Variants in PRIM2 observed in about 807,000 individuals in gnomAD.
The protein encoded by PRIM2 is DNA primase subunit 2.
PRIM2 carries 39 observed loss-of-function variants against 67.3 expected under a neutral mutation model. That is an observed-to-expected ratio of 0.58 (90% confidence interval 0.45 to 0.76). PRIM2 has a LOEUF of 0.76. PRIM2 is among the 30% of genes least tolerant of loss of function. PRIM2 has a pLI of 0.00. For missense variants in PRIM2, 398 were observed against 598.7 expected, an observed-to-expected ratio of 0.66 and a Z score of 3.50; for synonymous variants, 143 against 198.7, an observed-to-expected ratio of 0.72 and a Z score of 2.36.
intron 8 of PRIM2, among the ~76,000 whole-genome samples, chr6:57,516,196 C>A (rs1774484357): frequency 1.3e-5 from 2 of 152,182 alleles, no homozygotes; most frequent in Non-Finnish European, 2.9e-5. Flanking sequence ...CCAGGATAAT[C>A]TTTTCATCTA....
chr6:57,443,356 C>T (rs910670799), intron 7 of PRIM2, among the ~76,000 whole-genome samples: 4 of 152,186 alleles, frequency 2.6e-5, no homozygotes, highest in African/African-American at 9.6e-5. Context: ...TATTAGTTTA[C>T]ATTCCTGCCA....
chr6:57,353,098 A>G (rs1768907777), intron 5 of PRIM2, among the ~76,000 whole-genome samples: 2 of 149,420 alleles, frequency 1.3e-5, no homozygotes, highest in Non-Finnish European at 3.0e-5. Flanking sequence ...TTTAAATTAG[A>G]CTGTCAATTC....
At chr6:57,465,730 T>C (rs1475540989) in intron 7 of PRIM2, among the ~76,000 whole-genome samples, 1 of 152,160 alleles carries the variant, frequency 6.6e-6, no homozygotes, top group Non-Finnish European at 1.5e-5. Flanking sequence ...TTAGGTGACT[T>C]ATTTAAAGTA....
chr6:57,320,454 T>C lies in PRIM2; in HGVS notation c.155-3T>C. 6.3e-7 allele frequency: 1 copy of C among 1,578,708 alleles called. No individual in the cohort carries two copies. The highest frequency in any genetic ancestry group is 1.2e-5 in the South Asian group (1 of 85,204). On this transcript the variant is annotated splice_region_variant and splice_polypyrimidine_tract_variant and intron_variant, in intron 2 of 13. Coordinates refer to ENST00000615550, the MANE Select transcript of PRIM2 (RefSeq NM_000947.5). Reference sequence around the variant, plus strand: ...GCATTTATACCTTTTTTCTTTTTTTTAGTGTTAAAATCAGTTGAAAATCTT... The same window carrying C: ...GCATTTATACCTTTTTTCTTTTTTTCAGTGTTAAAATCAGTTGAAAATCTT...
At chr6:57,502,567 C>T (rs1774157457) in intron 7 of PRIM2, among the ~76,000 whole-genome samples, 1 of 152,188 alleles carries the variant, frequency 6.6e-6, no homozygotes, top group Non-Finnish European at 1.5e-5. Flanking sequence ...CTTCTCCTCT[C>T]ATAAATATTC....
intron 7 of PRIM2, among the ~76,000 whole-genome samples, chr6:57,481,804 T>C (rs1209757452): frequency 6.6e-6 from 1 of 152,222 alleles, no homozygotes; most frequent in African/African-American, 2.4e-5. Context: ...AGGTGTCTAG[T>C]AGTATCTCAT....
intron 5 of PRIM2, among the ~76,000 whole-genome samples, chr6:57,379,420 G>A (rs1465247483): frequency 6.6e-6 from 1 of 150,836 alleles, no homozygotes. Flanking sequence ...ATCAGTCTGA[G>A]ATAATAAATT....
chr6:57,482,075 T>C (rs1773642090), intron 7 of PRIM2, among the ~76,000 whole-genome samples: 2 of 151,758 alleles, frequency 1.3e-5, no homozygotes, highest in African/African-American at 4.8e-5. Flanking sequence ...GGAAGGATTA[T>C]GGAAAGAAAA....
At chr6:57,252,215 T>C in the PRIM2 span, among the ~76,000 whole-genome samples, 2 of 152,234 alleles carry the variant, frequency 1.3e-5, no homozygotes, top group African/African-American at 4.8e-5. Context: ...GTGATAAGCA[T>C]TGTCCTTAAT....
Position 57,583,437 on chromosome 6 carries a change from G to C in PRIM2, c.1021-17656G>C, listed in dbSNP as rs1190556542. On this transcript the variant is annotated intron_variant, in intron 10 of 13. Coordinates refer to ENST00000615550, the MANE Select transcript of PRIM2 (RefSeq NM_000947.5). ...AGTGAGAATATGCGGTTTGTTTTTTGTTCTTGCGATAGTTTACTGAGAATG... is the reference window on the plus strand; with the variant it reads ...AGTGAGAATATGCGGTTTGTTTTTTCTTCTTGCGATAGTTTACTGAGAATG... Among the ~76,000 whole-genome samples the C allele has an allele frequency of 4.1e-5, 6 of 148,028 alleles. No individual in the cohort carries two copies. In the East Asian group the frequency reaches 1.0e-3, roughly 25 times the overall value.
intron 7 of PRIM2, among the ~76,000 whole-genome samples, chr6:57,463,130 G>A (rs563673077): frequency 8.5e-5 from 13 of 152,150 alleles, no homozygotes; most frequent in Admixed American, 7.9e-4. Flanking sequence ...GCACTGGCTC[G>A]GAAATCTAGA....
chr6:57,434,237 TA>T (rs11299782), intron 7 of PRIM2, among the ~76,000 whole-genome samples: 96,345 of 151,634 alleles, frequency 0.64, 30,849 homozygotes, highest in South Asian at 0.74. Context: ...CCTGAGTTTT[TA>T]AATATGTAAA....
chr6:57,313,214 T>C (rs1767420817), upstream of PRIM2, among the ~76,000 whole-genome samples: 1 of 152,238 alleles, frequency 6.6e-6, no homozygotes, highest in Non-Finnish European at 1.5e-5. Flanking sequence ...CCTGGCTATC[T>C]TTTCTAAAAT....
chr6:57,540,857 A>G (rs1346142683), intron 10 of PRIM2, among the ~76,000 whole-genome samples: 2 of 152,380 alleles, frequency 1.3e-5, no homozygotes, highest in East Asian at 3.9e-4. Context: ...TGGTGAGCCT[A>G]TAAGTGTTGC....
intron 5 of PRIM2, among the ~76,000 whole-genome samples, chr6:57,328,792 G>A (rs1464622344): frequency 6.6e-6 from 1 of 152,140 alleles, no homozygotes; most frequent in East Asian, 1.9e-4. Flanking sequence ...CAGTGGATGA[G>A]GGTTCCACTT....
intron 7 of PRIM2, among the ~76,000 whole-genome samples, chr6:57,502,493 A>G (rs1160202279): frequency 6.6e-6 from 1 of 152,164 alleles, no homozygotes; most frequent in Non-Finnish European, 1.5e-5. Context: ...GGATCATGCT[A>G]ATGCCGCGAT....
At chr6:57,386,439 AG>A (rs1401987849) in intron 7 of PRIM2, among the ~76,000 whole-genome samples, 19 of 148,488 alleles carry the variant, frequency 1.3e-4, no homozygotes, top group Non-Finnish European at 2.5e-4. Context: ...AAAAAAAAAA[AG>A]AACGAAAGAA....
At chr6:57,460,254 G>GA (rs1321416402) in intron 7 of PRIM2, among the ~76,000 whole-genome samples, 1 of 151,408 alleles carries the variant, frequency 6.6e-6, no homozygotes, top group Non-Finnish European at 1.5e-5. Flanking sequence ...TACTGAATTA[G>GA]AAAAAATGTT....
intron 5 of PRIM2, among the ~76,000 whole-genome samples, chr6:57,339,929 A>G (rs1768410354): frequency 1.3e-5 from 2 of 151,230 alleles, no homozygotes; most frequent in African/African-American, 2.4e-5. Flanking sequence ...AACCTACAAA[A>G]TGGGAGAAAA....
Sources: gnomAD v4.1 joint callset for allele counts (sites outside exome capture counted in the v4.1 genomes callset) on GRCh38, gnomAD v4.1.1 for gene constraint, MANE v1.5 for transcripts, NCBI Gene and HGNC (gene_info 2026-07-23, HGNC 2026-07-21) for gene names.